MPP7: variants seen among roughly 807,000 people sequenced by gnomAD.
MPP7 encodes MAGUK p55 subfamily member 7.
In MPP7, 60 loss-of-function variants were observed where a neutral mutation model predicts 76.5. The ratio of observed to expected loss-of-function variants is 0.78; its 90% CI spans 0.64 to 0.97. The LOEUF is 0.97. MPP7 is among the 50% of genes least tolerant of loss of function. The pLI, the probability that MPP7 is intolerant of heterozygous loss-of-function variation, is 0.00. For missense variants in MPP7, 641 were observed against 694.0 expected, an observed-to-expected ratio of 0.92 and a Z score of 0.86; for synonymous variants, 237 against 244.5, an observed-to-expected ratio of 0.97 and a Z score of 0.29.
intron 2 of MPP7, among the ~76,000 whole-genome samples, chr10:28,313,826 G>A (rs913851647): frequency 6.7e-6 from 1 of 148,996 alleles, no homozygotes; most frequent in African/African-American, 2.5e-5. Context: ...AGCTAGGACT[G>A]CAGGTGTGTG....
intron 1 of MPP7, among the ~76,000 whole-genome samples, chr10:28,331,303 G>A (rs1834468184): frequency 6.6e-6 from 1 of 152,146 alleles, no homozygotes; most frequent in African/African-American, 2.4e-5. Context: ...ACCTCACTGA[G>A]GGGAGGAGCC....
chr10:28,219,756 A>C (rs933276319), intron 2 of MPP7, among the ~76,000 whole-genome samples: 1 of 152,196 alleles, frequency 6.6e-6, no homozygotes, highest in African/African-American at 2.4e-5. Flanking sequence ...TAAACACTAA[A>C]GAACATATAT....
At chr10:28,302,546 T>A (rs867785766) in intron 1 of MPP7, among the ~76,000 whole-genome samples, 2 of 152,192 alleles carry the variant, frequency 1.3e-5, no homozygotes, top group Non-Finnish European at 2.9e-5. Flanking sequence ...TTCCTCCACC[T>A]GTCGGTTCTC....
chr10:28,256,327 GA>G (rs200425685), intron 1 of MPP7, among the ~76,000 whole-genome samples: 9,854 of 99,826 alleles, frequency 0.099, 360 homozygotes, highest in East Asian at 0.23. Context: ...TGCTTTCAGG[GA>G]AAAAAAAAAA....
chr10:28,251,797 C>G (rs1839623141), intron 1 of MPP7, among the ~76,000 whole-genome samples: 1 of 152,124 alleles, frequency 6.6e-6, no homozygotes, highest in African/African-American at 2.4e-5. Context: ...TAGCACACAC[C>G]TGTAGTCCCA....
chr10:28,287,153 A>G (rs1002351818), intron 1 of MPP7, among the ~76,000 whole-genome samples: 2 of 152,238 alleles, frequency 1.3e-5, no homozygotes, highest in African/African-American at 4.8e-5. Context: ...CTTCAAAAAA[A>G]AATAATAACT....
At chr10:28,128,241 C>T (rs1835080960) in intron 6 of MPP7, among the ~76,000 whole-genome samples, 1 of 152,164 alleles carries the variant, frequency 6.6e-6, no homozygotes, top group Admixed American at 6.5e-5. Context: ...AGGTTAATCC[C>T]TTGTCTGAAA....
intron 3 of MPP7, among the ~76,000 whole-genome samples, chr10:28,185,999 G>A (rs1314661733): frequency 6.6e-6 from 1 of 152,062 alleles, no homozygotes; most frequent in East Asian, 1.9e-4. Flanking sequence ...TGAGTTATTC[G>A]TCCTGTCATT....
intron 2 of MPP7, among the ~76,000 whole-genome samples, chr10:28,316,435 TAAAAAAAAAA>T (rs549621404): frequency 0.098 from 3,635 of 37,006 alleles, 156 homozygotes; most frequent in Non-Finnish European, 0.13. Flanking sequence ...ACTCTGTCTT[TAAAAAAAAAA>T]AAAAAAAAAA....
At chr10:28,272,514 TGCTTTTCATTGGG>T (rs969106527) in intron 1 of MPP7, among the ~76,000 whole-genome samples, 4 of 152,154 alleles carry the variant, frequency 2.6e-5, no homozygotes, top group Non-Finnish European at 5.9e-5. Context: ...TGAAAAGAAG[TGCTTTTCATTGGG>T]GCTTTTCATT....
chr10:28,212,965 G>A (rs138315851), intron 2 of MPP7, among the ~76,000 whole-genome samples: 50 of 152,118 alleles, frequency 3.3e-4, no homozygotes, highest in African/African-American at 1.2e-3. Flanking sequence ...CTAGAGATAG[G>A]GTCTTGCTCT....
At chr10:28,131,380 T>C (rs1357554337) in intron 6 of MPP7, among the ~76,000 whole-genome samples, 180 bp downstream of exon 6, 1 of 152,210 alleles carries the variant, frequency 6.6e-6, no homozygotes, top group Non-Finnish European at 1.5e-5. Context: ...ATGTAGCCAA[T>C]AAAATGTCTA....
chr10:28,074,117 C>T (rs1242588052), intron 12 of MPP7, among the ~76,000 whole-genome samples: 1 of 152,142 alleles, frequency 6.6e-6, no homozygotes, highest in Non-Finnish European at 1.5e-5. Context: ...CAAATAAATC[C>T]TTAATAAACA....
intron 8 of MPP7, among the ~76,000 whole-genome samples, chr10:28,121,481 T>G (rs1834837904): frequency 6.6e-6 from 1 of 152,072 alleles, no homozygotes; most frequent in South Asian, 2.1e-4. Context: ...ACGTAATAGA[T>G]TAATTGAAAG....
chr10:28,243,826 A>C (rs1457814374), intron 1 of MPP7, among the ~76,000 whole-genome samples: 1 of 152,152 alleles, frequency 6.6e-6, no homozygotes, highest in East Asian at 1.9e-4. Context: ...CAATTCACTC[A>C]TGTTTTTGTT....
intron 2 of MPP7, among the ~76,000 whole-genome samples, chr10:28,208,736 G>A (rs1838029898): frequency 6.6e-6 from 1 of 152,190 alleles, no homozygotes; most frequent in African/African-American, 2.4e-5. Flanking sequence ...TATCTTCATA[G>A]TGCAGACAAT....
intron 1 of MPP7, among the ~76,000 whole-genome samples, chr10:28,278,158 T>G (rs1840560146): frequency 1.3e-5 from 2 of 152,090 alleles, no homozygotes; most frequent in South Asian, 4.1e-4. Flanking sequence ...AATAAAGCTT[T>G]TAATAGCATA....
intron 2 of MPP7, among the ~76,000 whole-genome samples, chr10:28,313,864 T>TTTTC (rs1841304464): frequency 2.2e-5 from 1 of 44,896 alleles, no homozygotes; most frequent in Non-Finnish European, 5.0e-5. Context: ...TTTTTTTTTT[T>TTTTC]TTATTTTTTT....
intron 11 of MPP7, among the ~76,000 whole-genome samples, chr10:28,105,945 AAC>A (rs935597377): frequency 9.8e-5 from 15 of 152,300 alleles, no homozygotes; most frequent in East Asian, 3.9e-4. Flanking sequence ...TCTTTGTCCC[AAC>A]ACAGTCTGCA....
Sources: gnomAD v4.1 joint callset for allele counts (sites outside exome capture counted in the v4.1 genomes callset) on GRCh38, gnomAD v4.1.1 for gene constraint, MANE v1.5 for transcripts, NCBI Gene and HGNC (gene_info 2026-07-23, HGNC 2026-07-21) for gene names.